CAMTA1: variants seen among roughly 807,000 people sequenced by gnomAD.
The protein encoded by CAMTA1 is calmodulin-binding transcription activator 1.
In CAMTA1, 27 loss-of-function variants were observed where a neutral mutation model predicts 170.9. The observed-to-expected ratio is 0.16, with a 90% CI of 0.12 to 0.22. CAMTA1 has a LOEUF of 0.22. Ranked by LOEUF, CAMTA1 falls within the 10% of genes least tolerant of loss-of-function variation. CAMTA1 has a pLI of 1.00. For missense variants in CAMTA1, 1,619 were observed against 2,217.2 expected, an observed-to-expected ratio of 0.73 and a Z score of 5.42; for synonymous variants, 833 against 891.5, an observed-to-expected ratio of 0.93 and a Z score of 1.17.
At chr1:7,584,890 G>A (rs545858776) in intron 6 of CAMTA1, among the ~76,000 whole-genome samples, 43 of 152,288 alleles carry the variant, frequency 2.8e-4, no homozygotes, top group African/African-American at 9.6e-4. Flanking sequence ...CAGCCCCCAC[G>A]GTGGAGTTAT....
intron 11 of CAMTA1, among the ~76,000 whole-genome samples, chr1:7,713,194 G>T (rs996781572): frequency 3.3e-5 from 5 of 152,154 alleles, no homozygotes; most frequent in Non-Finnish European, 5.9e-5. Flanking sequence ...GAGACATTGG[G>T]TCAAACCATT....
At chr1:7,130,477 G>A (rs2148529642) in intron 4 of CAMTA1, among the ~76,000 whole-genome samples, 1 of 152,264 alleles carries the variant, frequency 6.6e-6, no homozygotes, top group East Asian at 1.9e-4. Flanking sequence ...ATACCTAAAT[G>A]TGGAGTGGTT....
intron 6 of CAMTA1, among the ~76,000 whole-genome samples, chr1:7,536,629 G>A (rs1480998202): frequency 6.6e-6 from 1 of 152,186 alleles, no homozygotes; most frequent in African/African-American, 2.4e-5. Flanking sequence ...CAGGGACGGG[G>A]CTGGGACACC....
At chr1:7,303,450 A>G (rs755136592) in intron 5 of CAMTA1, among the ~76,000 whole-genome samples, 1 of 152,212 alleles carries the variant, frequency 6.6e-6, no homozygotes, top group Non-Finnish European at 1.5e-5. Flanking sequence ...GCTATACTCT[A>G]TGTCTCGTTT....
intron 5 of CAMTA1, among the ~76,000 whole-genome samples, chr1:7,324,600 A>G (rs1263174317): frequency 6.6e-6 from 1 of 151,814 alleles, no homozygotes; most frequent in African/African-American, 2.4e-5. Flanking sequence ...CCATTTTAAA[A>G]TGTCTGTGCT....
chr1:7,079,516 A>G (rs1639740029), intron 3 of CAMTA1, among the ~76,000 whole-genome samples: 1 of 152,078 alleles, frequency 6.6e-6, no homozygotes. Flanking sequence ...TCTGTCATCC[A>G]GGCTGGAGTG....
intron 6 of CAMTA1, among the ~76,000 whole-genome samples, chr1:7,607,196 G>T (rs1446233376): frequency 6.6e-6 from 1 of 151,484 alleles, no homozygotes; most frequent in Non-Finnish European, 1.5e-5. Context: ...TGGATGGATG[G>T]ATGGGTAGGT....
chr1:7,379,698 C>T (rs1185477701), intron 5 of CAMTA1, among the ~76,000 whole-genome samples: 6 of 152,180 alleles, frequency 3.9e-5, no homozygotes, highest in Non-Finnish European at 7.3e-5. Flanking sequence ...GGGCAGTGGC[C>T]GTCTGAACTG....
At chr1:7,421,609 AC>A in intron 5 of CAMTA1, among the ~76,000 whole-genome samples, 1 of 152,290 alleles carries the variant, frequency 6.6e-6, no homozygotes, top group East Asian at 1.9e-4. Context: ...GGAGGTAACA[AC>A]GGCCTCCCCC....
intron 5 of CAMTA1, among the ~76,000 whole-genome samples, chr1:7,421,126 T>C (rs2091531063): frequency 6.6e-6 from 1 of 152,242 alleles, no homozygotes; most frequent in Non-Finnish European, 1.5e-5. Flanking sequence ...GTTCAGTAGA[T>C]ATTGGTTGAA....
chr1:7,270,021 A>G (rs1669460454), intron 5 of CAMTA1, among the ~76,000 whole-genome samples: 1 of 152,158 alleles, frequency 6.6e-6, no homozygotes, highest in Admixed American at 6.5e-5. Flanking sequence ...GCAAGCTGGA[A>G]GACAATGCAA....
At chr1:6,998,670 T>C (rs974635885) in intron 3 of CAMTA1, among the ~76,000 whole-genome samples, 2 of 152,230 alleles carry the variant, frequency 1.3e-5, no homozygotes, top group Non-Finnish European at 2.9e-5. Context: ...GGCAGCACTT[T>C]TTGTCTCTTT....
chr1:7,518,931 T>C (rs1010655284), intron 6 of CAMTA1, among the ~76,000 whole-genome samples: 2 of 151,934 alleles, frequency 1.3e-5, no homozygotes, highest in African/African-American at 2.4e-5. Flanking sequence ...TTGGGATGGC[T>C]TGGGTCCCCA....
rs141324458 is a variant in CAMTA1, at chr1:7,582,678, G to C, written c.511-57722G>C. ...TCTTCATCCCAGCCACTACAAAGGA[G>C]AGAGGCACAGCCCCTCCTTTTAAGA... On this transcript the variant is annotated intron_variant, in intron 6 of 22. Coordinates refer to ENST00000303635, the MANE Select transcript of CAMTA1 (RefSeq NM_015215.4). 1.6e-4 allele frequency among the ~76,000 whole-genome samples: 25 copies of C among 152,166 alleles called. No homozygotes were observed. In the East Asian group the frequency reaches 4.1e-3, roughly 25 times the overall value.
intron 3 of CAMTA1, among the ~76,000 whole-genome samples, chr1:7,068,927 T>A (rs1375324729): frequency 6.6e-6 from 1 of 152,202 alleles, no homozygotes; most frequent in Non-Finnish European, 1.5e-5. Context: ...GAAGACACTC[T>A]CCTCTAAGTT....
intron 21 of CAMTA1, among the ~76,000 whole-genome samples, chr1:7,753,663 A>C (rs2096912824): frequency 1.3e-5 from 2 of 152,166 alleles, no homozygotes; most frequent in Admixed American, 1.3e-4. Context: ...TATTTTTGTG[A>C]CCATAGAAGG....
intron 3 of CAMTA1, among the ~76,000 whole-genome samples, chr1:7,054,738 C>T (rs1254424829): frequency 6.6e-6 from 1 of 152,228 alleles, no homozygotes; most frequent in Non-Finnish European, 1.5e-5. Context: ...GGAGAGCAGC[C>T]TCTGGCCTTC....
At chr1:7,654,679 C>T (rs1056440223) in intron 7 of CAMTA1, among the ~76,000 whole-genome samples, 1 of 146,962 alleles carries the variant, frequency 6.8e-6, no homozygotes, top group African/African-American at 2.5e-5. Context: ...TACACACACT[C>T]CATGCACACA....
intron 5 of CAMTA1, among the ~76,000 whole-genome samples, chr1:7,285,885 G>A (rs1672276979): frequency 6.6e-6 from 1 of 152,162 alleles, no homozygotes; most frequent in African/African-American, 2.4e-5. Context: ...CCAACAGGAG[G>A]CTCATGATAG....
Sources: gnomAD v4.1 joint callset for allele counts (sites outside exome capture counted in the v4.1 genomes callset) on GRCh38, gnomAD v4.1.1 for gene constraint, MANE v1.5 for transcripts, NCBI Gene and HGNC (gene_info 2026-07-23, HGNC 2026-07-21) for gene names.